The following BNC2 variants were observed in gnomAD, a reference collection of about 807,000 sequenced individuals.
BNC2 encodes the protein basonuclin zinc finger protein 2.
In BNC2, 20 loss-of-function variants were observed where a neutral mutation model predicts 76.3. The observed-to-expected ratio is 0.26, with a 90% confidence interval of 0.18 to 0.38. BNC2 has a LOEUF of 0.38. BNC2 is among the 10% of genes least tolerant of loss of function. The probability of loss-of-function intolerance (pLI) is 1.00; values close to 1 mark genes in which losing one functional copy is unlikely to be tolerated. For missense variants in BNC2, 1,382 were observed against 1,399.8 expected, an observed-to-expected ratio of 0.99 and a Z score of 0.20; for synonymous variants, 582 against 514.8, an observed-to-expected ratio of 1.13 and a Z score of -1.77.
At chr9:16,489,043 A>C (rs1199588092) in intron 5 of BNC2, among the ~76,000 whole-genome samples, 1 of 152,246 alleles carries the variant, frequency 6.6e-6, no homozygotes, top group Non-Finnish European at 1.5e-5. Context: ...AGTGTTGTCA[A>C]ACAGAAATAT....
At chr9:16,750,156 A>G (rs1211323783) in intron 1 of BNC2, among the ~76,000 whole-genome samples, 1 of 152,198 alleles carries the variant, frequency 6.6e-6, no homozygotes, top group Non-Finnish European at 1.5e-5. Flanking sequence ...GAGAACTGAT[A>G]CCTAAAATAA....
rs914003379 is a variant in BNC2 at position 16,606,594 on chromosome 9, G to A, written c.331-23509C>T. Among the ~76,000 whole-genome samples, 10 of 151,740 alleles carry A rather than the reference G, an allele frequency of 6.6e-5. 1 individual carries two copies. Among genetic ancestry groups the A allele is most frequent in the Admixed American group, 3.3e-4 (5 of 15,222 alleles). On this transcript the variant is annotated intron_variant, in intron 3 of 6. Coordinates refer to ENST00000380672, the MANE Select transcript of BNC2 (RefSeq NM_017637.6). ...TTCACCCAGGCTGGAGTGAAGTGGCGCAATCTCAGCTCACTGCAACCTCCA... is the reference window on the plus strand; with the variant it reads ...TTCACCCAGGCTGGAGTGAAGTGGCACAATCTCAGCTCACTGCAACCTCCA...
intron 1 of BNC2, among the ~76,000 whole-genome samples, chr9:16,780,086 A>T (rs2135539014): frequency 6.7e-6 from 1 of 150,306 alleles, no homozygotes; most frequent in East Asian, 2.0e-4. Context: ...AATACAAAAA[A>T]TTAGCCGGGC....
intron 5 of BNC2, among the ~76,000 whole-genome samples, chr9:16,498,629 C>G (rs574656277): frequency 6.6e-6 from 1 of 150,400 alleles, no homozygotes; most frequent in Admixed American, 6.6e-5. Flanking sequence ...CTCATGTAAC[C>G]AAATACCACC....
chr9:16,563,679 A>AT (rs750954968), intron 4 of BNC2, among the ~76,000 whole-genome samples: 21 of 152,220 alleles, frequency 1.4e-4, no homozygotes, highest in Admixed American at 8.5e-4. Flanking sequence ...AGTCCCATGT[A>AT]TTCATGTGAA....
intron 1 of BNC2, among the ~76,000 whole-genome samples, chr9:16,848,913 T>C (rs191730266): frequency 6.6e-6 from 1 of 152,318 alleles, no homozygotes; most frequent in East Asian, 1.9e-4. Flanking sequence ...ACAAAATTAC[T>C]TCCAGGCTAT....
At chr9:16,454,345 C>T (rs1479288893) in intron 5 of BNC2, among the ~76,000 whole-genome samples, 1 of 106,402 alleles carries the variant, frequency 9.4e-6, no homozygotes, top group Non-Finnish European at 1.7e-5. Flanking sequence ...CTCTGTTGCC[C>T]AGGCTGGAGT....
intron 1 of BNC2, among the ~76,000 whole-genome samples, chr9:16,780,245 A>C (rs1162296085): frequency 3.0e-5 from 4 of 133,904 alleles, no homozygotes; most frequent in Admixed American, 7.4e-5. Context: ...CAAAAAAAAA[A>C]AAAAAAAAAA....
At chr9:16,651,851 T>C (rs1187363483) in intron 3 of BNC2, among the ~76,000 whole-genome samples, 7 of 152,196 alleles carry the variant, frequency 4.6e-5, no homozygotes, top group African/African-American at 4.8e-5. Context: ...CAAGTGACTA[T>C]AACATATACG....
intron 2 of BNC2, 162 bp from the exon 3 acceptor site, chr9:16,728,159 A>G: frequency 1.4e-6 from 1 of 738,636 alleles, no homozygotes; most frequent in Non-Finnish European, 2.4e-6. Flanking sequence ...AGATATCCCT[A>G]TCATTTATGC....
At chr9:16,540,435 G>A (rs918953801) in intron 5 of BNC2, among the ~76,000 whole-genome samples, 4 of 151,896 alleles carry the variant, frequency 2.6e-5, no homozygotes, top group Admixed American at 1.3e-4. Context: ...TATCATATAC[G>A]TCAATACGCA....
chr9:16,816,719 G>A (rs940944940), intron 1 of BNC2, among the ~76,000 whole-genome samples: 2 of 152,152 alleles, frequency 1.3e-5, no homozygotes, highest in East Asian at 1.9e-4. Context: ...TGGATAACGT[G>A]TGCTTTTTCT....
chr9:16,531,713 C>CA (rs1338612695), intron 5 of BNC2, among the ~76,000 whole-genome samples: 1 of 152,136 alleles, frequency 6.6e-6, no homozygotes, highest in Non-Finnish European at 1.5e-5. Flanking sequence ...AAGGGTTATA[C>CA]ACAGAATATG....
chr9:16,748,554 G>A (rs1306809259), intron 1 of BNC2, among the ~76,000 whole-genome samples: 2 of 151,346 alleles, frequency 1.3e-5, no homozygotes, highest in Non-Finnish European at 2.9e-5. Flanking sequence ...AGAAAAAAAG[G>A]AGAATTTGCC....
At chr9:16,587,055 A>G (rs1435987160) in intron 3 of BNC2, among the ~76,000 whole-genome samples, 1 of 152,212 alleles carries the variant, frequency 6.6e-6, no homozygotes, top group Non-Finnish European at 1.5e-5. Flanking sequence ...CTCAGAAAAT[A>G]GCATAAAGTT....
Position 16,430,867 on chromosome 9 carries a change from G to A in BNC2, c.2639+4688C>T, listed in dbSNP as rs186468078. 9.8e-5 allele frequency among the ~76,000 whole-genome samples: 15 copies of A among 152,302 alleles called. No individual in the cohort carries two copies. In the East Asian group the frequency reaches 2.1e-3, roughly 22 times the overall value. ...GACTGATCAAACTAGCAATCGAATG[G>A]AAGGTTCACACTTGACACCAATGGT... is the stretch of plus-strand genomic sequence containing the variant. On this transcript the variant is annotated intron_variant, in intron 6 of 6. Coordinates refer to ENST00000380672, the MANE Select transcript of BNC2 (RefSeq NM_017637.6).
intron 5 of BNC2, among the ~76,000 whole-genome samples, chr9:16,469,368 A>G (rs192788233): frequency 6.6e-6 from 1 of 152,274 alleles, no homozygotes; most frequent in East Asian, 1.9e-4. Flanking sequence ...ATAGTGATGA[A>G]GCCTCACGAG....
At chr9:16,588,840 A>G (rs1420261953) in intron 3 of BNC2, among the ~76,000 whole-genome samples, 4 of 152,240 alleles carry the variant, frequency 2.6e-5, no homozygotes, top group African/African-American at 9.6e-5. Flanking sequence ...TGACCAAATC[A>G]TATTTCTCAG....
At chr9:16,742,893 G>A (rs1824890882) in intron 1 of BNC2, among the ~76,000 whole-genome samples, 1 of 152,132 alleles carries the variant, frequency 6.6e-6, no homozygotes, top group South Asian at 2.1e-4. Flanking sequence ...TATTTCACTG[G>A]AAATTGTACC....
Sources: allele counts gnomAD v4.1 joint callset (sites outside exome capture counted in the v4.1 genomes callset), GRCh38; gene constraint gnomAD v4.1.1; transcripts MANE v1.5; gene names NCBI Gene and HGNC (gene_info 2026-07-23, HGNC 2026-07-21).